MOV10L1: variants seen among roughly 807,000 people sequenced by gnomAD.
The protein encoded by MOV10L1 is RNA helicase Mov10l1.
In MOV10L1, 110 loss-of-function variants were observed where a neutral mutation model predicts 143.8. That is an observed-to-expected ratio of 0.76 (90% confidence interval 0.66 to 0.90). The LOEUF is 0.90. Among genes scored for constraint, MOV10L1 ranks in the 40% least tolerant of loss-of-function variants. MOV10L1 has a pLI of 0.00. For synonymous variants in MOV10L1, 593 were observed against 581.1 expected, an observed-to-expected ratio of 1.02 and a Z score of -0.29; for missense variants, 1,406 against 1,526.8, an observed-to-expected ratio of 0.92 and a Z score of 1.32.
At chr22:50,143,967 G>A (rs563699943) in intron 17 of MOV10L1, 130 bp from the exon 18 acceptor site, 44 of 1,225,964 alleles carry the variant, frequency 3.6e-5, no homozygotes, top group Non-Finnish European at 4.8e-5. Flanking sequence ...GTCTCAGTGT[G>A]TTGGGGGCTG....
intron 19 of MOV10L1, among the ~76,000 whole-genome samples, chr22:50,146,422 C>A (rs1292045606): frequency 6.6e-6 from 1 of 151,946 alleles, no homozygotes; most frequent in Non-Finnish European, 1.5e-5. Flanking sequence ...AGCTTCGAGC[C>A]CAGGGAGGCT....
At chr22:50,118,839 G>A (rs547100435) in intron 9 of MOV10L1, among the ~76,000 whole-genome samples, 9 of 152,298 alleles carry the variant, frequency 5.9e-5, no homozygotes, top group Non-Finnish European at 1.2e-4. Context: ...GTCCTTTGAT[G>A]TCATAAGCAG....
intron 13 of MOV10L1, among the ~76,000 whole-genome samples, chr22:50,129,257 T>G (rs1311311732): frequency 6.6e-6 from 1 of 152,202 alleles, no homozygotes; most frequent in African/African-American, 2.4e-5. Context: ...CTCCTTACTT[T>G]TATTTGTTTT....
At chr22:50,115,503 A>G (rs574461722) in intron 8 of MOV10L1, among the ~76,000 whole-genome samples, 3 of 152,304 alleles carry the variant, frequency 2.0e-5, no homozygotes, top group Admixed American at 1.3e-4. Context: ...CAGTGAGCCA[A>G]GATCGCACGA....
At chr22:50,147,752 C>T (rs1035441455) in intron 19 of MOV10L1, among the ~76,000 whole-genome samples, 1 of 152,246 alleles carries the variant, frequency 6.6e-6, no homozygotes, top group South Asian at 2.1e-4. Context: ...GAATTGAAAC[C>T]TAAATACTTA....
intron 22 of MOV10L1, among the ~76,000 whole-genome samples, chr22:50,155,030 T>A (rs2063390771): frequency 1.3e-5 from 2 of 152,208 alleles, no homozygotes; most frequent in Admixed American, 1.3e-4. Context: ...ATTTCTTCTT[T>A]ATCTTTCTTA....
At chr22:50,161,107 C>T in intron 26 of MOV10L1, 52 bp downstream of exon 26, 2 of 1,551,290 alleles carry the variant, frequency 1.3e-6, no homozygotes, top group Non-Finnish European at 1.8e-6. Flanking sequence ...AGAACGTGCT[C>T]TAGCCTGCCC....
chr22:50,127,497 C>T (rs1232145958), intron 12 of MOV10L1, among the ~76,000 whole-genome samples: 2 of 152,208 alleles, frequency 1.3e-5, no homozygotes, highest in African/African-American at 4.8e-5. Flanking sequence ...GGCCCTGTAC[C>T]ACTGTTGCTT....
chr22:50,156,875 A>G (rs1245918116), intron 22 of MOV10L1, among the ~76,000 whole-genome samples: 4 of 152,224 alleles, frequency 2.6e-5, no homozygotes, highest in African/African-American at 9.7e-5. Context: ...CGTCATGGGT[A>G]CATACCCGGA....
At chr22:50,147,653 G>A (rs889424051) in intron 19 of MOV10L1, among the ~76,000 whole-genome samples, 1 of 152,212 alleles carries the variant, frequency 6.6e-6, no homozygotes, top group Admixed American at 6.5e-5. Context: ...GCCACTGGGG[G>A]CGGCTGGAGT....
At chr22:50,115,075 C>A in intron 7 of MOV10L1, 39 bp from the exon 8 acceptor site, 1 of 1,542,964 alleles carries the variant, frequency 6.5e-7, no homozygotes, top group Non-Finnish European at 8.7e-7. Flanking sequence ...AGATAATTTA[C>A]CTTTTGGTCA....
chr22:50,147,036 T>C (rs2063170995), intron 19 of MOV10L1: 2 of 1,550,344 alleles, frequency 1.3e-6, no homozygotes, highest in African/African-American at 2.7e-5. Flanking sequence ...TGTTAATGTG[T>C]GTTGATGAGT....
At chr22:50,147,178 A>C in intron 19 of MOV10L1, 1 of 1,503,294 alleles carries the variant, frequency 6.7e-7, no homozygotes, top group Non-Finnish European at 8.9e-7. Flanking sequence ...CGGCCAGGGC[A>C]GGCCGCTCTC....
At position 50,099,334 on chromosome 22, in the gene MOV10L1, T is replaced by G. The variant is rs556014168; in HGVS notation, c.283-109T>G. ...ACCAGACCCGGAATCTGCCAGGGCC[T>G]TGATCTTGGACTTGCAGCCCTAATG... is the stretch of plus-strand genomic sequence containing the variant. On this transcript the variant is annotated intron_variant, in intron 2 of 26. Transcript: ENST00000262794. 303 of 1,335,962 alleles carry G rather than the reference T, an allele frequency of 2.3e-4. 3 individuals carry two copies. In the African/African-American group the frequency reaches 3.8e-3, roughly 17 times the overall value. The allele number at this position is 1,335,962 out of a possible 1,614,324, so 82.8% of individuals were successfully genotyped here.
chr22:50,116,192 GCTTT>G (rs1247898434), intron 8 of MOV10L1, among the ~76,000 whole-genome samples: 1 of 145,242 alleles, frequency 6.9e-6, no homozygotes, highest in African/African-American at 2.5e-5. Context: ...CAGCTTCAAT[GCTTT>G]TTTTTTTTTT....
rs767341891 is a variant in MOV10L1, at chr22:50,115,194, G to A, written c.1207G>A (p.Gly403Arg). ...RKQMTEPEPG[G>R]LVPPGGKTFI... ...GCAGATGACAGAGCCTGAGCCTGGG[G>A]GGCTTGTCCCTCCAGGGGGAAAAAC... Residue 403 changes from glycine to arginine, a missense_variant, in exon 8 of 27, where the codon GGG becomes AGG. Gly to Arg is a moderately radical substitution (Grantham distance 125, BLOSUM62 -2). This residue lies in a region of MOV10L1 where 1,233 missense variants were observed against 1,351.4 expected (regional missense o/e 0.91). Coordinates refer to ENST00000262794, the MANE Select transcript of MOV10L1 (RefSeq NM_018995.3). The A allele has an allele frequency of 3.9e-6, 6 of 1,556,376 alleles. No homozygotes were observed. Among genetic ancestry groups the A allele is most frequent in the Admixed American group, 2.2e-5 (1 of 45,712 alleles).
rs2063472033 is a variant in MOV10L1, at chr22:50,158,075, G to C, written c.3085G>C (p.Gly1029Arg). The C allele has an allele frequency of 6.2e-7, 1 of 1,613,830 alleles. No homozygotes were observed. Among genetic ancestry groups the C allele is most frequent in the Admixed American group, 1.7e-5 (1 of 59,982 alleles). ...HGVRGSEARE[G>R]KSPSWFNPAE... Reference sequence around the variant, plus strand: ...AACCCAGGGCAGCGAGGCACGGGAGGGAAAAAGCCCATCGTGGTTCAACCC... The same window carrying C: ...AACCCAGGGCAGCGAGGCACGGGAGCGAAAAAGCCCATCGTGGTTCAACCC... The change falls in exon 23 of 27, where the codon GGA becomes CGA. Residue 1029 changes from glycine to arginine, a missense_variant. Physicochemically the swap from Gly to Arg is moderately radical, Grantham distance 125 (BLOSUM62 -2). Coordinates refer to ENST00000262794, the MANE Select transcript of MOV10L1 (RefSeq NM_018995.3). The surrounding 1 kb of genome is among the most constrained non-coding windows in gnomAD (Gnocchi z 5.0).
chr22:50,098,884 T>C (rs2062665281), intron 2 of MOV10L1, among the ~76,000 whole-genome samples: 1 of 152,230 alleles, frequency 6.6e-6, no homozygotes, highest in African/African-American at 2.4e-5. Flanking sequence ...TCATAAAAAG[T>C]GTTGATTTTG....
At chr22:50,142,235 C>A (rs977736835) in intron 16 of MOV10L1, 46 bp downstream of exon 16, 2 of 1,509,224 alleles carry the variant, frequency 1.3e-6, no homozygotes, top group Non-Finnish European at 9.1e-7. Flanking sequence ...CTGAGACTGT[C>A]GCCTGGAAAA....
Sources: gnomAD v4.1 joint callset for allele counts (sites outside exome capture counted in the v4.1 genomes callset) on GRCh38, gnomAD v4.1.1 for gene constraint, gnomAD v4.1.1 regional missense constraint, Gnocchi (gnomAD v3.1) non-coding constraint, MANE v1.5 for transcripts, NCBI Gene and HGNC (gene_info 2026-07-23, HGNC 2026-07-21) for gene names.